The following RIPOR1 variants were observed in gnomAD, a reference collection of about 807,000 sequenced individuals.
The protein encoded by RIPOR1 is rho family-interacting cell polarization regulator 1.
Under a neutral mutation model 116.5 loss-of-function variants are expected in RIPOR1, and 58 were observed. That is an observed-to-expected ratio of 0.50 (90% CI 0.40 to 0.62). The LOEUF (loss-of-function observed/expected upper bound fraction) is 0.62. RIPOR1 is among the 20% of genes least tolerant of loss of function. The pLI is 0.00. For missense variants in RIPOR1, 1,372 were observed against 1,586.2 expected (o/e 0.86, Z 2.29); for synonymous variants, 605 against 650.0 (o/e 0.93, Z 1.05).
Position 67,531,567 on chromosome 16 carries a change from G to T in RIPOR1, c.-24+2653G>T, listed in dbSNP as rs1458138588. 8 of 452,702 alleles carry T rather than the reference G, an allele frequency of 1.8e-5. No individual in the cohort carries two copies. In the East Asian group the frequency reaches 5.7e-4, roughly 32 times the overall value. The allele number at this position is 452,702 out of a possible 1,614,324, so 28.0% of individuals were successfully genotyped here. A position where few individuals can be genotyped will look rare whatever the true frequency, so the allele number is the denominator to read the frequency against. ...TGAGGAAGGAGAGGGACTTGGGGCT[G>T]AGTAGTGGGAAGAAGGAATAGGAGC... On this transcript the variant is annotated intron_variant, in intron 1 of 21. Coordinates refer to ENST00000042381, the MANE Select transcript of RIPOR1 (RefSeq NM_024519.4). The surrounding 1 kb of genome is among the most constrained non-coding windows in gnomAD (Gnocchi z 4.2).
chr16:67,538,961 T>C (rs1329852018), intron 3 of RIPOR1, 29 bp from the exon 4 acceptor site: 1 of 1,613,292 alleles, frequency 6.2e-7, no homozygotes, highest in East Asian at 2.2e-5. Context: ...GAGAGCCGAG[T>C]TCATTCTTGT....
chr16:67,538,990 G>A lies in RIPOR1; in HGVS notation c.258G>A (p.Thr86=). 3 of 1,613,864 alleles carry A rather than the reference G, an allele frequency of 1.9e-6. No individual in the cohort carries two copies. Among genetic ancestry groups the A allele is most frequent in the Non-Finnish European group, 1.7e-6 (2 of 1,179,948 alleles). Residue 86 remains threonine, a splice_region_variant and synonymous_variant, in exon 4 of 22, where the codon ACG becomes ACA. Transcript: ENST00000042381. ...LVYTALKRGL[T]AYLEVHQQEQ... ...TTCTTGTGGTCGCCCCTTTCCTCAG[G>A]GCCTACTTGGAAGTGCACCAGCAGG...
chr16:67,544,732 C>T lies in RIPOR1; in HGVS notation c.2771C>T (p.Ala924Val). The T allele has an allele frequency of 6.2e-7, 1 of 1,613,552 alleles. No homozygotes were observed. The highest frequency in any genetic ancestry group is 8.5e-7 in the Non-Finnish European group (1 of 1,179,900). The change falls in exon 16 of 22, where the codon GCA becomes GTA. Residue 924 changes from alanine to valine, a missense_variant. Physicochemically the swap from Ala to Val is moderately conservative, Grantham distance 64. Transcript: ENST00000042381. This position sits in a 1 kb window ranked among gnomAD's most constrained non-coding sequence, Gnocchi z 5.1. ...GTFGPLRCQE[A>V]WALERLLREA... ...TTTGGGCCCCTGCGCTGCCAGGAGG[C>T]ATGGGCCCTGGAGCGGCTGCTGCGG...
At chr16:67,539,310 AT>A in intron 4 of RIPOR1, 1 of 538,318 alleles carries the variant, frequency 1.9e-6, no homozygotes, top group Non-Finnish European at 3.3e-6. Flanking sequence ...CCCTACAGAC[AT>A]GGACAGCAGG....
intron 20 of RIPOR1, 28 bp downstream of exon 20, chr16:67,546,060 C>CAG: frequency 6.2e-7 from 1 of 1,607,180 alleles, no homozygotes; most frequent in Non-Finnish European, 8.5e-7. Context: ...TCCCACCCCT[C>CAG]TGTCCGCTTC....
chr16:67,523,344 G>A (rs2050510407), intron 1 of RIPOR1, among the ~76,000 whole-genome samples: 1 of 151,840 alleles, frequency 6.6e-6, no homozygotes, highest in South Asian at 2.1e-4. Flanking sequence ...TGGCCAACAT[G>A]GTGAAACCCT....
rs2050828934 is a variant in RIPOR1, at chr16:67,537,558, G to A, written c.-23-866G>A. On this transcript the variant is annotated intron_variant, in intron 1 of 21. Coordinates refer to ENST00000042381, the MANE Select transcript of RIPOR1 (RefSeq NM_024519.4). This position sits in a 1 kb window ranked among gnomAD's most constrained non-coding sequence, Gnocchi z 4.6. ...GGTCCGCGGGGGGCGAGCGCGGGTCGGGGGCCGTCCCGGACCCACCATGAA... is the reference window on the plus strand; with the variant it reads ...GGTCCGCGGGGGGCGAGCGCGGGTCAGGGGCCGTCCCGGACCCACCATGAA... 4.4e-6 allele frequency: 6 copies of A among 1,372,956 alleles called. No homozygotes were observed. Among genetic ancestry groups the A allele is most frequent in the Non-Finnish European group, 5.7e-6 (6 of 1,060,252 alleles). The allele number at this position is 1,372,956 out of a possible 1,614,324, so 85.0% of individuals were successfully genotyped here.
In RIPOR1 at chr16:67,530,068, C is replaced by A. The variant is rs375105552; in HGVS notation, c.-24+1154C>A. On this transcript the variant is annotated intron_variant, in intron 1 of 21. Transcript: ENST00000042381. This position sits in a 1 kb window ranked among gnomAD's most constrained non-coding sequence, Gnocchi z 4.5. ...CTCTCCGGCTTGGGTCCTGTGACTG[C>A]GGCGGGAGAGAGGAGCAAGGTGAGC... 811 of 608,478 alleles carry A rather than the reference C, an allele frequency of 1.3e-3. 3 individuals are homozygous for A. The Middle Eastern group carries it at 0.022, about 16-fold the overall frequency. The allele number at this position is 608,478 out of a possible 1,614,324, so 37.7% of individuals were successfully genotyped here.
chr16:67,545,181 G>T lies in RIPOR1; in HGVS notation c.3031+64G>T. ...TCCCAGTGACAGGAAGCTCGGGGAA[G>T]CCAGGTCAGCCCACACAGATAAACG... is the stretch of plus-strand genomic sequence containing the variant. On this transcript the variant is annotated intron_variant, in intron 17 of 21. Coordinates refer to ENST00000042381, the MANE Select transcript of RIPOR1 (RefSeq NM_024519.4). The surrounding 1 kb of genome is among the most constrained non-coding windows in gnomAD (Gnocchi z 4.8). The T allele has an allele frequency of 5.7e-6, 9 of 1,589,808 alleles. No homozygotes were observed. In the South Asian group the frequency reaches 9.9e-5, roughly 18 times the overall value.
At chr16:67,519,905 T>A (rs999880737) in intron 1 of RIPOR1, among the ~76,000 whole-genome samples, 1 of 149,832 alleles carries the variant, frequency 6.7e-6, no homozygotes, top group Non-Finnish European at 1.5e-5. Context: ...CTACTAAAAA[T>A]ACAAAAATTA....
rs147973168 is a variant in RIPOR1, at chr16:67,542,083, G to A, written c.1297G>A (p.Val433Met). The change falls in exon 13 of 22, where the codon GTG becomes ATG. Residue 433 changes from valine (V) to methionine (M), a missense_variant. Val to Met is a conservative substitution (Grantham distance 21). This residue lies in a region of RIPOR1 where 1,005 missense variants were observed against 1,144.7 expected (regional missense o/e 0.88). Coordinates refer to ENST00000042381, the MANE Select transcript of RIPOR1 (RefSeq NM_024519.4). This position sits in a 1 kb window ranked among gnomAD's most constrained non-coding sequence, Gnocchi z 4.6. ...SSGPLDEEGAVAPVLANGHAP... is the reference protein window; with the variant it reads ...SSGPLDEEGAMAPVLANGHAP... ...TGGGCCCTTGGATGAGGAGGGGGCC[G>A]TGGCCCCAGTCCTGGCAAATGGGCA... 231 of 1,606,246 alleles carry A rather than the reference G, an allele frequency of 1.4e-4. No homozygotes were observed. Among genetic ancestry groups the A allele is most frequent in the African/African-American group, 3.6e-4 (27 of 74,854 alleles).
Position 67,529,930 on chromosome 16 carries a change from G to T in RIPOR1, c.-24+1016G>T. ...GGATTAGATCTGAGTCCTTGCCCCT[G>T]CGACACCCACCTCCGTGGTATTGGA... On this transcript the variant is annotated intron_variant, in intron 1 of 21. Transcript: ENST00000042381. This position sits in a 1 kb window ranked among gnomAD's most constrained non-coding sequence, Gnocchi z 4.1. 1 of 987,112 alleles carries T rather than the reference G, an allele frequency of 1.0e-6. No individual in the cohort carries two copies. The highest frequency in any genetic ancestry group is 1.5e-6 in the Non-Finnish European group (1 of 645,388). The allele number at this position is 987,112 out of a possible 1,614,324, so 61.1% of individuals were successfully genotyped here. A position where few individuals can be genotyped will look rare whatever the true frequency, so the allele number is the denominator to read the frequency against.
At position 67,537,960 on chromosome 16, in the gene RIPOR1, C is replaced by A; in HGVS notation, c.-23-464C>A. ...TCGGGCAGCTCCGCAGGGCTCCGAG[C>A]GTGGCCCCGCCCCGCCCCGTGACCT... On this transcript the variant is annotated intron_variant, in intron 1 of 21. Coordinates refer to ENST00000042381, the MANE Select transcript of RIPOR1 (RefSeq NM_024519.4). This position sits in a 1 kb window ranked among gnomAD's most constrained non-coding sequence, Gnocchi z 4.6. The A allele has an allele frequency of 4.7e-6, 1 of 214,904 alleles. No homozygotes were observed. The highest frequency in any genetic ancestry group is 2.3e-5 in the African/African-American group (1 of 43,548). The allele number at this position is 214,904 out of a possible 1,614,324, so 13.3% of individuals were successfully genotyped here. A position where few individuals can be genotyped will look rare whatever the true frequency, so the allele number is the denominator to read the frequency against.
Position 67,540,847 on chromosome 16 carries a change from T to A in RIPOR1, c.801+143T>A. 1 of 934,990 alleles carries A rather than the reference T, an allele frequency of 1.1e-6. No homozygotes were observed. Among genetic ancestry groups the A allele is most frequent in the Non-Finnish European group, 1.6e-6 (1 of 612,898 alleles). 57.9% of individuals were successfully genotyped at this position (934,990 alleles called of 1,614,324 possible). ...ATGATTCCATGACCTTCATGATCTCTGTGGCCCTGAGAGGAACAATCTTTG... is the reference window on the plus strand; with the variant it reads ...ATGATTCCATGACCTTCATGATCTCAGTGGCCCTGAGAGGAACAATCTTTG... On this transcript the variant is annotated intron_variant, in intron 10 of 21. Coordinates refer to ENST00000042381, the MANE Select transcript of RIPOR1 (RefSeq NM_024519.4). This position sits in a 1 kb window ranked among gnomAD's most constrained non-coding sequence, Gnocchi z 4.7.
At chr16:67,528,999 CG>C (rs1440958579) in intron 1 of RIPOR1, 85 bp downstream of exon 1, 1 of 167,244 alleles carries the variant, frequency 6.0e-6, no homozygotes, top group Non-Finnish European at 1.3e-5. Flanking sequence ...CGGCGCCGCC[CG>C]GTGGGTCCGG....
In RIPOR1 at chr16:67,541,214, C is replaced by T; in HGVS notation, c.802-216C>T. On this transcript the variant is annotated intron_variant, in intron 10 of 21. Transcript: ENST00000042381. This position sits in a 1 kb window ranked among gnomAD's most constrained non-coding sequence, Gnocchi z 4.6. ...CCAAGTAGCTGGGACTACAGGTGCA[C>T]CACCATGCCTGGCTAAAAATTTTTT... The T allele has an allele frequency of 1.8e-6, 1 of 549,316 alleles. No homozygotes were observed. Among genetic ancestry groups the T allele is most frequent in the South Asian group, 2.5e-5 (1 of 40,804 alleles). 34.0% of individuals were successfully genotyped at this position (549,316 alleles called of 1,614,324 possible).
Position 67,543,257 on chromosome 16 carries a change from T to A in RIPOR1, c.2471T>A (p.Leu824Gln), listed in dbSNP as rs767911757. The A allele has an allele frequency of 1.9e-6, 3 of 1,598,828 alleles. No individual in the cohort carries two copies. The African/African-American group carries it at 4.0e-5, about 21-fold the overall frequency. The stretch of plus-strand genomic sequence containing the variant: ...CAGGAGGTGACCCGCCTAGAAAGTC[T>A]GCTCATGGTGAGGAGGGCTGGGCTG... ...LEQEVTRLES[L>Q]LMQRQGLTRS... The change falls in exon 13 of 22, where the codon CTG becomes CAG. Residue 824 changes from leucine to glutamine, a missense_variant. Transcript: ENST00000042381. The surrounding 1 kb of genome is among the most constrained non-coding windows in gnomAD (Gnocchi z 4.7).
chr16:67,526,915 G>A (rs2050544427), upstream of RIPOR1, among the ~76,000 whole-genome samples: 1 of 152,242 alleles, frequency 6.6e-6, no homozygotes, highest in Non-Finnish European at 1.5e-5. Context: ...AGACAGTGGT[G>A]CTTTGTAGGG....
Position 67,529,661 on chromosome 16 carries a change from C to T in RIPOR1, c.-24+747C>T. On this transcript the variant is annotated intron_variant, in intron 1 of 21. Transcript: ENST00000042381. This position sits in a 1 kb window ranked among gnomAD's most constrained non-coding sequence, Gnocchi z 4.1. ...GGGTGAGCCCTGAGTCCGGCCTCCC[C>T]TACAGACCCTCCCCAGCCAGTTCTA... The T allele has an allele frequency of 8.3e-7, 1 of 1,199,334 alleles. No individual in the cohort carries two copies. Among genetic ancestry groups the T allele is most frequent in the South Asian group, 1.5e-5 (1 of 68,402 alleles). The allele number at this position is 1,199,334 out of a possible 1,614,324, so 74.3% of individuals were successfully genotyped here. A position where few individuals can be genotyped will look rare whatever the true frequency, so the allele number is the denominator to read the frequency against.
Sources: gnomAD v4.1 joint callset for allele counts (sites outside exome capture counted in the v4.1 genomes callset) on GRCh38, gnomAD v4.1.1 for gene constraint, gnomAD v4.1.1 regional missense constraint, Gnocchi (gnomAD v3.1) non-coding constraint, MANE v1.5 for transcripts, NCBI Gene and HGNC (gene_info 2026-07-23, HGNC 2026-07-21) for gene names.